TNRC18: variants seen among roughly 807,000 people sequenced by gnomAD.
The protein encoded by TNRC18 is trinucleotide repeat-containing gene 18 protein.
TNRC18 carries 69 observed loss-of-function variants against 226.7 expected under a neutral mutation model. The ratio of observed to expected loss-of-function variants is 0.30; its 90% confidence interval spans 0.25 to 0.37. The LOEUF is 0.37. Ranked by LOEUF, TNRC18 falls within the 10% of genes least tolerant of loss-of-function variation. The pLI is 1.00. For synonymous variants in TNRC18, 2,449 were observed against 1,927.6 expected (o/e 1.27, Z -7.09); for missense variants, 4,754 against 4,256.6 (o/e 1.12, Z -3.25).
At chr7:5,339,934 G>A (rs893001591) in intron 18 of TNRC18, among the ~76,000 whole-genome samples, 5 of 151,898 alleles carry the variant, frequency 3.3e-5, no homozygotes, top group Non-Finnish European at 7.4e-5. Flanking sequence ...CCGCCAACCG[G>A]CCTTCCTCAT....
At chr7:5,339,573 GTGTGTT>G (rs1293396507) in intron 18 of TNRC18, among the ~76,000 whole-genome samples, 2 of 148,116 alleles carry the variant, frequency 1.4e-5, no homozygotes, top group East Asian at 2.0e-4. Context: ...GTGTGTGTGT[GTGTGTT>G]TTTCGACAGA....
intron 2 of TNRC18, among the ~76,000 whole-genome samples, chr7:5,416,574 G>T (rs1023013346): frequency 1.4e-5 from 2 of 146,312 alleles, no homozygotes; most frequent in Non-Finnish European, 3.0e-5. Context: ...TTTAAAATTA[G>T]GCCAGGCATG....
chr7:5,394,723 A>C lies in TNRC18; in HGVS notation c.188-128T>G. The C allele has an allele frequency of 1.4e-6, 1 of 700,768 alleles. No individual in the cohort carries two copies. The highest frequency in any genetic ancestry group is 2.3e-6 in the Non-Finnish European group (1 of 435,132). 43.4% of individuals were successfully genotyped at this position (700,768 alleles called of 1,614,324 possible). On this transcript the variant is annotated intron_variant, in intron 2 of 29. Coordinates refer to ENST00000430969, the MANE Select transcript of TNRC18 (RefSeq NM_001080495.3). The surrounding 1 kb of genome is among the most constrained non-coding windows in gnomAD (Gnocchi z 4.5). ...CAGCTGTGTGGAGCTGATGCTGGCC[A>C]GGAGACCAAAGAGGGTTCCCCTGCT...
rs1792796107 is a variant in TNRC18, at chr7:5,359,410, G to A, written c.4821C>T (p.Asp1607=). Residue 1607 remains aspartate, a synonymous_variant, in exon 15 of 30, where the codon GAC becomes GAT. Coordinates refer to ENST00000430969, the MANE Select transcript of TNRC18 (RefSeq NM_001080495.3). The part of the protein sequence containing the change: ...QTWDEHEASS[D]FISQLKIKKK... ...CTGGGTTACTCACCTGACTGATGAA[G>A]TCCGACGAGGCCTCATGTTCATCCC... 1 of 1,613,874 alleles carries A rather than the reference G, an allele frequency of 6.2e-7. No individual in the cohort carries two copies. Among genetic ancestry groups the A allele is most frequent in the African/African-American group, 1.3e-5 (1 of 74,924 alleles).
chr7:5,367,651 C>T (rs1227941830), intron 11 of TNRC18, among the ~76,000 whole-genome samples: 1 of 151,792 alleles, frequency 6.6e-6, no homozygotes, highest in Non-Finnish European at 1.5e-5. Context: ...TGGTCTCGAA[C>T]TCCTGACCTC....
Position 5,376,034 on chromosome 7 carries a change from C to T in TNRC18, c.2799G>A (p.Val933=). 6.3e-7 allele frequency: 1 copy of T among 1,590,352 alleles called. No homozygotes were observed. Among genetic ancestry groups the T allele is most frequent in the Admixed American group, 1.8e-5 (1 of 56,998 alleles). The change falls in exon 9 of 30, where the codon GTG becomes GTA. Residue 933 remains valine (V), a splice_region_variant and synonymous_variant. Transcript: ENST00000430969. ...ALELQRSAQL[V]QERLKAQEHR... ...CTGCGCCTCATCCTCCCCGACTTACCACGAGCTGGGCGCTCCTCTGCAGTT... is the reference window on the plus strand; with the variant it reads ...CTGCGCCTCATCCTCCCCGACTTACTACGAGCTGGGCGCTCCTCTGCAGTT...
Position 5,307,729 on chromosome 7 carries a change from A to T in TNRC18, c.*377T>A. On this transcript the variant is annotated 3_prime_UTR_variant, in exon 30 of 30. Coordinates refer to ENST00000430969, the MANE Select transcript of TNRC18 (RefSeq NM_001080495.3). The stretch of plus-strand genomic sequence containing the variant: ...TGGTTCCTTAGAAGCGCCCCTCCCC[A>T]CCGAATCCCCAGTCTGCATGGACCT... 1 of 340,308 alleles carries T rather than the reference A, an allele frequency of 2.9e-6. No individual in the cohort carries two copies. The highest frequency in any genetic ancestry group is 5.8e-6 in the Non-Finnish European group (1 of 173,698). The allele number at this position is 340,308 out of a possible 1,614,324, so 21.1% of individuals were successfully genotyped here.
intron 18 of TNRC18, among the ~76,000 whole-genome samples, chr7:5,344,803 G>A (rs981423108): frequency 6.6e-6 from 1 of 152,190 alleles, no homozygotes. Context: ...CTGCGTCCGT[G>A]TGAGGGCACT....
intron 2 of TNRC18, among the ~76,000 whole-genome samples, chr7:5,404,157 G>A (rs188252086): frequency 6.6e-6 from 1 of 152,320 alleles, no homozygotes; most frequent in African/African-American, 2.4e-5. Context: ...TCGATCACAA[G>A]GTCAAGAGTT....
intron 19 of TNRC18, among the ~76,000 whole-genome samples, chr7:5,328,489 G>C (rs546087411): frequency 6.7e-6 from 1 of 150,364 alleles, no homozygotes; most frequent in African/African-American, 2.4e-5. Flanking sequence ...GCAACACAGT[G>C]AGACCACCTT....
chr7:5,415,369 CTTTTT>C (rs368389351), intron 2 of TNRC18, among the ~76,000 whole-genome samples: 60 of 83,130 alleles, frequency 7.2e-4, no homozygotes, highest in Middle Eastern at 7.9e-3. Context: ...CTGTGTCCCT[CTTTTT>C]TTTTTTTTTT....
intron 2 of TNRC18, among the ~76,000 whole-genome samples, chr7:5,406,532 G>T (rs760232593): frequency 1.3e-5 from 2 of 150,830 alleles, no homozygotes; most frequent in Non-Finnish European, 2.9e-5. Context: ...GGTACCTACA[G>T]TACTCACATT....
rs193249088 is a variant in TNRC18, at chr7:5,307,762, C to T, written c.*344G>A. The T allele has an allele frequency of 5.3e-6, 2 of 379,776 alleles. No homozygotes were observed. The highest frequency in any genetic ancestry group is 2.1e-5 in the African/African-American group (1 of 47,984). 23.5% of individuals were successfully genotyped at this position (379,776 alleles called of 1,614,324 possible). The stretch of plus-strand genomic sequence containing the variant: ...CCCAGTCTGCATGGACCTGGGGGCA[C>T]CCGGGCCCCCACGCAGCAGCAGCCT... On this transcript the variant is annotated 3_prime_UTR_variant, in exon 30 of 30. Coordinates refer to ENST00000430969, the MANE Select transcript of TNRC18 (RefSeq NM_001080495.3).
At position 5,374,888 on chromosome 7, in the gene TNRC18, T is replaced by A. The variant is rs140494363; in HGVS notation, c.2800-404A>T. On this transcript the variant is annotated intron_variant, in intron 9 of 29. Coordinates refer to ENST00000430969, the MANE Select transcript of TNRC18 (RefSeq NM_001080495.3). ...TGCTAAACCTTCCTGCTTCACTGCG[T>A]CATCATTTTAGGGTCTCAAAAGGCC... is the stretch of plus-strand genomic sequence containing the variant. 8.1e-3 allele frequency among the ~76,000 whole-genome samples: 1,239 copies of A among 152,296 alleles called. 19 individuals carry two copies. The highest frequency in any genetic ancestry group is 0.028 in the African/African-American group (1,172 of 41,558).
At position 5,389,461 on chromosome 7, in the gene TNRC18, G is replaced by GTTTTTTTTTTTTTTTTTTT. The variant is rs754143983; in HGVS notation, c.488-126_488-125insAAAAAAAAAAAAAAAAAAA. The GTTTTTTTTTTTTTTTTTTT allele has an allele frequency of 1.3e-4, 74 of 565,508 alleles. 1 individual carries two copies. In the African/African-American group the frequency reaches 1.9e-3, roughly 14 times the overall value. The allele number at this position is 565,508 out of a possible 1,614,324, so 35.0% of individuals were successfully genotyped here. A position where few individuals can be genotyped will look rare whatever the true frequency, so the allele number is the denominator to read the frequency against. On this transcript the variant is annotated intron_variant, in intron 4 of 29. Transcript: ENST00000430969. ...TGCCTCCCCCAGTGTTTTGGTTTTGGTTTTTTTTTTCAGAAAGAGTCTCGC... is the reference window on the plus strand; with the variant it reads ...TGCCTCCCCCAGTGTTTTGGTTTTGGTTTTTTTTTTTTTTTTTTTTTTTTTTTTTCAGAAAGAGTCTCGC...
At chr7:5,391,879 G>T (rs1445233703) in intron 3 of TNRC18, among the ~76,000 whole-genome samples, 3 of 149,448 alleles carry the variant, frequency 2.0e-5, no homozygotes, top group Non-Finnish European at 3.0e-5. Context: ...TTTTTTAAAG[G>T]GCACACAGAA....
chr7:5,421,764 G>A (rs1475746282), intron 1 of TNRC18, among the ~76,000 whole-genome samples: 1 of 152,194 alleles, frequency 6.6e-6, no homozygotes, highest in African/African-American at 2.4e-5. Flanking sequence ...CTGCCTCGGC[G>A]GCTGCCGGGT....
intron 2 of TNRC18, among the ~76,000 whole-genome samples, chr7:5,397,107 G>A (rs148978056): frequency 1.3e-5 from 2 of 152,220 alleles, no homozygotes; most frequent in African/African-American, 4.8e-5. Flanking sequence ...GTCCAGCCAG[G>A]CCCAGCCCCC....
rs1180482590 is a variant in TNRC18 at position 5,421,296 on chromosome 7, C to G, written c.-50G>C. ...CCCCCCACCCGGCCCGCAGGCCTAG[C>G]TCAGTGGGACCTAAAAGTTCGGCCT... On this transcript the variant is annotated 5_prime_UTR_variant, in exon 2 of 30. Coordinates refer to ENST00000430969, the MANE Select transcript of TNRC18 (RefSeq NM_001080495.3). The G allele has an allele frequency of 3.2e-6, 4 of 1,241,870 alleles. No homozygotes were observed. Among genetic ancestry groups the G allele is most frequent in the Non-Finnish European group, 4.0e-6 (4 of 989,924 alleles). 76.9% of individuals were successfully genotyped at this position (1,241,870 alleles called of 1,614,324 possible).
Sources: gnomAD v4.1 joint callset for allele counts (sites outside exome capture counted in the v4.1 genomes callset) on GRCh38, gnomAD v4.1.1 for gene constraint, Gnocchi (gnomAD v3.1) non-coding constraint, MANE v1.5 for transcripts, NCBI Gene and HGNC (gene_info 2026-07-23, HGNC 2026-07-21) for gene names.